TYW1B: variants seen among roughly 807,000 people sequenced by gnomAD.
The protein encoded by TYW1B is S-adenosyl-L-methionine-dependent tRNA 4-demethylwyosine synthase TYW1B.
In TYW1B, 73 loss-of-function variants were observed where a neutral mutation model predicts 86.9. That is an observed-to-expected ratio of 0.84 (90% CI 0.70 to 1.02). The LOEUF (loss-of-function observed/expected upper bound fraction) is 1.02. TYW1B is among the 50% of genes least tolerant of loss of function. The pLI is 0.00. For missense variants in TYW1B, 637 were observed against 827.4 expected, an observed-to-expected ratio of 0.77 and a Z score of 2.82; for synonymous variants, 248 against 292.8, an observed-to-expected ratio of 0.85 and a Z score of 1.56.
chr7:72,786,262 C>T (rs1180018470), intron 6 of TYW1B, among the ~76,000 whole-genome samples: 28 of 152,098 alleles, frequency 1.8e-4, no homozygotes, highest in African/African-American at 5.5e-4. Context: ...TCATGAAAAA[C>T]GAAAACTGGT....
chr7:72,825,237 T>G (rs1357129225), intron 2 of TYW1B, among the ~76,000 whole-genome samples: 3 of 152,090 alleles, frequency 2.0e-5, no homozygotes, highest in Admixed American at 6.6e-5. Context: ...AACTGAAGCT[T>G]AGATGGCACT....
intron 4 of TYW1B, among the ~76,000 whole-genome samples, chr7:72,808,447 ACATAAT>A (rs1489485083): frequency 6.6e-6 from 1 of 152,144 alleles, no homozygotes; most frequent in African/African-American, 2.4e-5. Flanking sequence ...CTCAAAAAAC[ACATAAT>A]CAAAAATGTT....
chr7:72,615,313 T>C (rs1394690006), intron 13 of TYW1B, among the ~76,000 whole-genome samples: 2 of 152,358 alleles, frequency 1.3e-5, no homozygotes, highest in South Asian at 2.1e-4. Context: ...TTTTGAAAGA[T>C]GCCTTGTAGT....
rs1554436943 is a variant in TYW1B at position 72,616,729 on chromosome 7, T to C, written c.1728A>G (p.Glu576=). Residue 576 remains glutamate (E), a synonymous_variant, in exon 13 of 14, where the codon GAA becomes GAG. Coordinates refer to ENST00000620995, the MANE Select transcript of TYW1B (RefSeq NM_001145440.3). ...GTTCGTGTTCACATGCAATTTCATA[T>C]TCGGGGATCAGATCCACCAGCTCGC... The part of the protein sequence containing the change: ...FVRELVDLIP[E]YEIACEHEHS... 2.5e-6 allele frequency: 4 copies of C among 1,614,138 alleles called. No individual in the cohort carries two copies. Among genetic ancestry groups the C allele is most frequent in the Non-Finnish European group, 2.5e-6 (3 of 1,180,056 alleles).
At chr7:72,615,479 T>C (rs566642090) in intron 13 of TYW1B, among the ~76,000 whole-genome samples, 1 of 152,318 alleles carries the variant, frequency 6.6e-6, no homozygotes, top group African/African-American at 2.4e-5. Flanking sequence ...AGAGATCTTC[T>C]GATCCTAGGC....
intron 12 of TYW1B, among the ~76,000 whole-genome samples, chr7:72,624,079 G>C (rs1257341082): frequency 3.9e-5 from 6 of 152,158 alleles, no homozygotes; most frequent in Non-Finnish European, 7.4e-5. Flanking sequence ...GGGATTACAG[G>C]CATGAGCCAC....
chr7:72,614,414 C>CTTGG (rs1812016532), intron 13 of TYW1B, among the ~76,000 whole-genome samples: 1 of 152,158 alleles, frequency 6.6e-6, no homozygotes, highest in African/African-American at 2.4e-5. Flanking sequence ...AGGCGTATCA[C>CTTGG]TTGGGGTCAG....
intron 13 of TYW1B, among the ~76,000 whole-genome samples, chr7:72,595,334 A>G (rs1372090653): frequency 6.6e-6 from 1 of 152,224 alleles, no homozygotes; most frequent in Non-Finnish European, 1.5e-5. Flanking sequence ...CTGCATTTCC[A>G]CATACTAATA....
chr7:72,753,520 G>A (rs2129571524), intron 7 of TYW1B, among the ~76,000 whole-genome samples: 2 of 135,796 alleles, frequency 1.5e-5, no homozygotes, highest in South Asian at 4.6e-4. Context: ...TTGCTCTGTT[G>A]CCCAGCCTGG....
intron 7 of TYW1B, among the ~76,000 whole-genome samples, chr7:72,760,006 T>C (rs1488314729): frequency 6.6e-6 from 1 of 151,828 alleles, no homozygotes; most frequent in Non-Finnish European, 1.5e-5. Flanking sequence ...GTCCAGCATA[T>C]ACACACAAAA....
chr7:72,600,502 G>A (rs1811639820), intron 13 of TYW1B, among the ~76,000 whole-genome samples: 1 of 152,006 alleles, frequency 6.6e-6, no homozygotes, highest in African/African-American at 2.4e-5. Context: ...TTAGTCAGTT[G>A]GACTTTATTA....
chr7:72,624,015 G>A (rs1308493989), intron 12 of TYW1B, among the ~76,000 whole-genome samples: 4 of 152,174 alleles, frequency 2.6e-5, no homozygotes, highest in East Asian at 3.9e-4. Context: ...TGGCCAGGCT[G>A]GTCTCGAACT....
intron 11 of TYW1B, among the ~76,000 whole-genome samples, chr7:72,682,916 G>T (rs1278782506): frequency 3.3e-5 from 5 of 152,182 alleles, no homozygotes; most frequent in South Asian, 4.1e-4. Flanking sequence ...CTACACTTTT[G>T]TGAGTTTTAC....
chr7:72,603,036 T>C lies in TYW1B; in HGVS notation c.1785+13636A>G, dbSNP rs1258362810. ...ATAAATATTCATGCATTCACACTGA[T>C]ATAGACACATAGACAGACAGGCAAG... On this transcript the variant is annotated intron_variant, in intron 13 of 13. Transcript: ENST00000620995. Among the ~76,000 whole-genome samples the C allele has an allele frequency of 3.9e-5, 6 of 152,086 alleles. 1 individual carries two copies. In the Middle Eastern group the frequency reaches 0.017, roughly 431 times the overall value.
chr7:72,600,879 G>A (rs1240471978), intron 13 of TYW1B, among the ~76,000 whole-genome samples: 4 of 151,940 alleles, frequency 2.6e-5, no homozygotes, highest in Non-Finnish European at 4.4e-5. Flanking sequence ...AAAAAGGGCC[G>A]GGCGTGGTGG....
At chr7:72,690,330 G>A (rs1304244548) in intron 11 of TYW1B, among the ~76,000 whole-genome samples, 1 of 152,158 alleles carries the variant, frequency 6.6e-6, no homozygotes, top group African/African-American at 2.4e-5. Flanking sequence ...TTGACAAGTA[G>A]CTATCGTGGA....
intron 9 of TYW1B, among the ~76,000 whole-genome samples, chr7:72,714,638 C>T (rs1786743183): frequency 6.6e-6 from 1 of 151,732 alleles, no homozygotes; most frequent in Admixed American, 6.6e-5. Flanking sequence ...CAAAAATAGG[C>T]TGGGCGCAGT....
intron 4 of TYW1B, among the ~76,000 whole-genome samples, chr7:72,808,095 T>A (rs189846965): frequency 0.019 from 2,741 of 142,920 alleles, 78 homozygotes; most frequent in African/African-American, 0.067. Flanking sequence ...TGACTCTGTC[T>A]CAAAAAAAAA....
At chr7:72,810,765 A>AG (rs1206136297) in intron 3 of TYW1B, 100 bp from the exon 4 acceptor site, 1 of 1,449,284 alleles carries the variant, frequency 6.9e-7, no homozygotes, top group Non-Finnish European at 9.2e-7. Flanking sequence ...CAAAGAACAA[A>AG]GGGTACCTTC....
Sources: gnomAD v4.1 joint callset for allele counts (sites outside exome capture counted in the v4.1 genomes callset) on GRCh38, gnomAD v4.1.1 for gene constraint, MANE v1.5 for transcripts, NCBI Gene and HGNC (gene_info 2026-07-23, HGNC 2026-07-21) for gene names.